NRXN1: variants seen among roughly 807,000 people sequenced by gnomAD.
NRXN1 encodes neurexin-1.
Under a neutral mutation model 150.9 loss-of-function variants are expected in NRXN1, and 39 were observed. The observed-to-expected ratio is 0.26, with a 90% confidence interval of 0.20 to 0.34. NRXN1 has a LOEUF of 0.34. Ranked by LOEUF, NRXN1 falls within the 10% of genes least tolerant of loss-of-function variation. NRXN1 has a pLI of 1.00. For synonymous variants in NRXN1, 924 were observed against 757.0 expected, an observed-to-expected ratio of 1.22 and a Z score of -3.62; for missense variants, 1,815 against 1,949.9, an observed-to-expected ratio of 0.93 and a Z score of 1.30.
intron 21 of NRXN1, among the ~76,000 whole-genome samples, chr2:50,044,934 G>T (rs1057142703): frequency 6.6e-6 from 1 of 152,052 alleles, no homozygotes; most frequent in African/African-American, 2.4e-5. Flanking sequence ...GTTTTGTTTT[G>T]TTAATTACCA....
intron 5 of NRXN1, among the ~76,000 whole-genome samples, chr2:50,734,595 A>G (rs1313201067): frequency 2.6e-5 from 4 of 152,154 alleles, no homozygotes; most frequent in Non-Finnish European, 4.4e-5. Context: ...TCAAAGGTCC[A>G]CTGCCTGCTC....
chr2:50,667,292 C>T (rs930359928), intron 5 of NRXN1, among the ~76,000 whole-genome samples: 2 of 151,818 alleles, frequency 1.3e-5, no homozygotes, highest in African/African-American at 4.8e-5. Flanking sequence ...TTGCTATCTT[C>T]AGAGAAGTAA....
chr2:50,393,060 C>G lies in NRXN1; in HGVS notation c.3364+72382G>C, dbSNP rs2081836011. 2.0e-5 allele frequency among the ~76,000 whole-genome samples: 3 copies of G among 151,698 alleles called. No homozygotes were observed. In the South Asian group the frequency reaches 6.2e-4, roughly 32 times the overall value. On this transcript the variant is annotated intron_variant, in intron 17 of 22. Transcript: ENST00000401669. Reference sequence around the variant, plus strand: ...AATGGATAAATTGCAGGCAACAAACCCAAGACATTTTCAAATCAACAGGTG... The same window carrying G: ...AATGGATAAATTGCAGGCAACAAACGCAAGACATTTTCAAATCAACAGGTG...
intron 17 of NRXN1, among the ~76,000 whole-genome samples, chr2:50,307,533 T>G (rs776931954): frequency 1.3e-5 from 2 of 152,192 alleles, no homozygotes; most frequent in Non-Finnish European, 2.9e-5. Flanking sequence ...GAAATGGTAA[T>G]GGATTTAATT....
At chr2:50,392,737 A>G (rs1303563156) in intron 17 of NRXN1, among the ~76,000 whole-genome samples, 1 of 152,108 alleles carries the variant, frequency 6.6e-6, no homozygotes, top group Non-Finnish European at 1.5e-5. Flanking sequence ...TGCGAAAACA[A>G]AGACGTAGTA....
rs28687353 is a variant in NRXN1, at chr2:50,544,479, C to T, written c.1760-5843G>A. On this transcript the variant is annotated intron_variant, in intron 9 of 22. Coordinates refer to ENST00000401669, the MANE Select transcript of NRXN1 (RefSeq NM_001330078.2). ...ACAAAAATACCATCTTAATATTCCA[C>T]TCTCTGCTTATTACCATCTGTTTTC... 9.6e-3 allele frequency among the ~76,000 whole-genome samples: 1,464 copies of T among 152,170 alleles called. 24 individuals are homozygous for T. Among genetic ancestry groups the T allele is most frequent in the African/African-American group, 0.033 (1,369 of 41,546 alleles).
At chr2:50,850,279 T>C (rs190102296) in intron 5 of NRXN1, among the ~76,000 whole-genome samples, 3 of 152,170 alleles carry the variant, frequency 2.0e-5, no homozygotes, top group East Asian at 3.9e-4. Context: ...TGTTGTTTGT[T>C]TGTTTTAAAT....
chr2:50,608,475 A>C (rs559577335), intron 8 of NRXN1, among the ~76,000 whole-genome samples: 16 of 152,196 alleles, frequency 1.1e-4, no homozygotes, highest in African/African-American at 3.6e-4. Flanking sequence ...GTATGCTATG[A>C]GTTGTTCATG....
At chr2:50,998,045 T>C (rs1699557980) in intron 2 of NRXN1, among the ~76,000 whole-genome samples, 1 of 141,388 alleles carries the variant, frequency 7.1e-6, no homozygotes, top group Non-Finnish European at 1.5e-5. Flanking sequence ...ATAGGGTCAA[T>C]GTCAACAGCA....
At chr2:50,398,388 C>G (rs1212092346) in intron 17 of NRXN1, among the ~76,000 whole-genome samples, 2 of 151,916 alleles carry the variant, frequency 1.3e-5, no homozygotes, top group African/African-American at 4.8e-5. Flanking sequence ...GTATACTATT[C>G]AAACGCAATG....
chr2:50,454,703 C>CACACAG (rs1573037368), intron 17 of NRXN1, among the ~76,000 whole-genome samples: 1 of 148,970 alleles, frequency 6.7e-6, no homozygotes, highest in South Asian at 2.1e-4. Flanking sequence ...CACACACACA[C>CACACAG]AGTTAATTAA....
At chr2:50,925,089 T>C (rs911995767) in intron 3 of NRXN1, among the ~76,000 whole-genome samples, 15 of 152,018 alleles carry the variant, frequency 9.9e-5, no homozygotes, top group Admixed American at 2.6e-4. Context: ...ATGCTGTGAA[T>C]ATATAAGTTG....
intron 2 of NRXN1, among the ~76,000 whole-genome samples, chr2:50,993,999 C>T (rs1039462495): frequency 1.3e-5 from 2 of 151,986 alleles, no homozygotes; most frequent in African/African-American, 4.8e-5. Context: ...TCCCAAAATA[C>T]ACACCGACAA....
intron 21 of NRXN1, among the ~76,000 whole-genome samples, chr2:50,050,686 C>T (rs543540664): frequency 6.6e-6 from 1 of 151,922 alleles, no homozygotes; most frequent in African/African-American, 2.4e-5. Flanking sequence ...TTAAATATTA[C>T]TGTATTTAGA....
At chr2:50,532,415 A>G (rs2093141864) in intron 10 of NRXN1, among the ~76,000 whole-genome samples, 2 of 152,122 alleles carry the variant, frequency 1.3e-5, no homozygotes, top group African/African-American at 2.4e-5. Flanking sequence ...ACCAAAGGTG[A>G]TGTTCAAAAA....
At chr2:50,768,318 A>C (rs907082710) in intron 5 of NRXN1, among the ~76,000 whole-genome samples, 1 of 152,020 alleles carries the variant, frequency 6.6e-6, no homozygotes, top group Non-Finnish European at 1.5e-5. Flanking sequence ...AACTAATATG[A>C]CTTTAGAAAA....
chr2:50,834,239 A>T (rs1671792478), intron 5 of NRXN1, among the ~76,000 whole-genome samples: 1 of 151,536 alleles, frequency 6.6e-6, no homozygotes, highest in Non-Finnish European at 1.5e-5. Context: ...TAAATTTAAG[A>T]TTCTCTGTAA....
At chr2:50,631,825 G>A (rs556209564) in intron 5 of NRXN1, among the ~76,000 whole-genome samples, 10 of 151,980 alleles carry the variant, frequency 6.6e-5, no homozygotes, top group Admixed American at 6.6e-4. Context: ...CATTAGGTGT[G>A]CAACATTTCA....
At chr2:50,689,701 T>C (rs1691770598) in intron 5 of NRXN1, among the ~76,000 whole-genome samples, 1 of 152,212 alleles carries the variant, frequency 6.6e-6, no homozygotes, top group South Asian at 2.1e-4. Flanking sequence ...GTCTAGAAGA[T>C]AGTCCAATGT....
Sources: allele counts gnomAD v4.1 joint callset (sites outside exome capture counted in the v4.1 genomes callset), GRCh38; gene constraint gnomAD v4.1.1; transcripts MANE v1.5; gene names NCBI Gene and HGNC (gene_info 2026-07-23, HGNC 2026-07-21).